Variants in UMODL1 observed in about 807,000 individuals in gnomAD.
UMODL1 encodes uromodulin-like 1.
A neutral mutation model predicts 136.3 loss-of-function variants in UMODL1; 128 were observed. The observed-to-expected ratio is 0.94, with a 90% confidence interval of 0.81 to 1.09. UMODL1 has a LOEUF of 1.09. Among genes scored for constraint, UMODL1 ranks in the 50% least tolerant of loss-of-function variants. UMODL1 has a pLI of 0.00. For missense variants in UMODL1, 1,766 were observed against 1,725.6 expected (o/e 1.02, Z -0.41); for synonymous variants, 721 against 720.0 (o/e 1.00, Z -0.02).
Position 42,075,925 on chromosome 21 carries a change from A to G in UMODL1, c.77-80A>G, listed in dbSNP as rs1052763664. Reference sequence around the variant, plus strand: ...GAGGTGTGCTCTCACTTGCTATTGCAGAGGGACGCCTTGCGGATAACCGCT... The same window carrying G: ...GAGGTGTGCTCTCACTTGCTATTGCGGAGGGACGCCTTGCGGATAACCGCT... On this transcript the variant is annotated intron_variant, in intron 1 of 22. Transcript: ENST00000408910. The G allele has an allele frequency of 3.2e-6, 5 of 1,576,014 alleles. No individual in the cohort carries two copies. In the African/African-American group the frequency reaches 6.7e-5, roughly 21 times the overall value.
chr21:42,127,631 G>A (rs1480013250), intron 19 of UMODL1, 41 bp from the exon 20 acceptor site: 9 of 1,587,454 alleles, frequency 5.7e-6, no homozygotes, highest in Middle Eastern at 1.7e-4. Context: ...GGACAGCGGG[G>A]CTCGCTGACA....
At chr21:42,107,429 G>A (rs1379253322) in intron 9 of UMODL1, among the ~76,000 whole-genome samples, 5 of 152,128 alleles carry the variant, frequency 3.3e-5, no homozygotes, top group African/African-American at 7.2e-5. Context: ...TCGCCACTGC[G>A]CGAGCCCTTT....
At chr21:42,076,467 C>T (rs1329489093) in intron 2 of UMODL1, among the ~76,000 whole-genome samples, 1 of 152,170 alleles carries the variant, frequency 6.6e-6, no homozygotes, top group Non-Finnish European at 1.5e-5. Flanking sequence ...AATTTGCCCT[C>T]CTGACAAGTT....
Position 42,098,962 on chromosome 21 carries a change from T to C in UMODL1, c.968T>C (p.Val323Ala). The C allele has an allele frequency of 6.2e-7, 1 of 1,614,222 alleles. No homozygotes were observed. The highest frequency in any genetic ancestry group is 1.3e-5 in the African/African-American group (1 of 75,060). ...PPVSDYVVLN[V>A]TSDSFQVSWR... is the part of the protein sequence containing the mutation. The stretch of plus-strand genomic sequence containing the variant: ...GTCAGTGACTACGTGGTCCTCAACG[T>C]CACCAGTGACAGTTTTCAAGTATCC... Residue 323 changes from valine to alanine, a missense_variant, in exon 7 of 23, where the codon GTC (valine) becomes GCC (alanine). Transcript: ENST00000408910.
chr21:42,121,519 A>T (rs779386454), intron 16 of UMODL1, among the ~76,000 whole-genome samples: 1 of 152,226 alleles, frequency 6.6e-6, no homozygotes, highest in Non-Finnish European at 1.5e-5. Context: ...ATACACATAC[A>T]TGAGGTGTGA....
At chr21:42,138,081 G>A (rs1225936094) in intron 22 of UMODL1, among the ~76,000 whole-genome samples, 2 of 152,072 alleles carry the variant, frequency 1.3e-5, no homozygotes, top group African/African-American at 4.8e-5. Flanking sequence ...CAGGACCCAG[G>A]GGCCCACCAC....
chr21:42,104,713 G>T (rs1420263917), intron 9 of UMODL1, among the ~76,000 whole-genome samples: 3 of 152,140 alleles, frequency 2.0e-5, no homozygotes, highest in Admixed American at 1.3e-4. Context: ...GCCTCCCAAG[G>T]TGCTGGGATT....
At chr21:42,119,371 G>A (rs779955288) in intron 15 of UMODL1, 47 bp downstream of exon 15, 16 of 1,573,808 alleles carry the variant, frequency 1.0e-5, no homozygotes, top group Middle Eastern at 1.8e-4. Flanking sequence ...GGAACCAGAG[G>A]CAGCCAGAGG....
In UMODL1 at chr21:42,111,409, C is replaced by T. The variant is rs772778968; in HGVS notation, c.1900-97C>T. On this transcript the variant is annotated intron_variant, in intron 11 of 22. Transcript: ENST00000408910. ...CGAGCCCCAGCCATAGGAACACTATCGGGGTGATAGGCACCACCTCCTCCC... is the reference window on the plus strand; with the variant it reads ...CGAGCCCCAGCCATAGGAACACTATTGGGGTGATAGGCACCACCTCCTCCC... 2.0e-5 allele frequency: 33 copies of T among 1,613,308 alleles called. 1 individual carries two copies. The Admixed American group carries it at 2.3e-4, about 11-fold the overall frequency.
At chr21:42,070,425 C>G (rs7277014), upstream of UMODL1, among the ~76,000 whole-genome samples, 5,945 of 152,306 alleles carry the variant, frequency 0.039, 313 homozygotes, top group African/African-American at 0.12. Context: ...ACCATGATGA[C>G]TACTGAAATA....
At chr21:42,104,435 TTTTC>T (rs897355222) in intron 9 of UMODL1, among the ~76,000 whole-genome samples, 2 of 151,952 alleles carry the variant, frequency 1.3e-5, no homozygotes, top group Non-Finnish European at 1.5e-5. Context: ...CTTTTCTTTT[TTTTC>T]TTTTTCTTTT....
chr21:42,071,283 GC>G (rs748339708), upstream of UMODL1: 5 of 1,503,632 alleles, frequency 3.3e-6, no homozygotes, highest in Non-Finnish European at 4.4e-6. Flanking sequence ...CTTGGTAGAG[GC>G]CCAGAGCCCT....
At chr21:42,094,507 G>T (rs186230439) in intron 6 of UMODL1, among the ~76,000 whole-genome samples, 131 of 152,226 alleles carry the variant, frequency 8.6e-4, no homozygotes, top group Non-Finnish European at 1.4e-3. Context: ...CCGCATTGCC[G>T]TGGCCTTGGG....
intron 22 of UMODL1, among the ~76,000 whole-genome samples, chr21:42,138,278 G>C (rs1434240465): frequency 6.6e-6 from 1 of 152,202 alleles, no homozygotes. Flanking sequence ...ATTGCTGGTG[G>C]ATCCTAACGA....
At chr21:42,063,734 G>A (rs1252915643) in intron 1 of UMODL1, among the ~76,000 whole-genome samples, 1 of 152,162 alleles carries the variant, frequency 6.6e-6, no homozygotes, top group Admixed American at 6.5e-5. Context: ...CTTGTCCCCC[G>A]GCTCCCCTTG....
At chr21:42,104,262 A>C (rs1255421534) in intron 9 of UMODL1, among the ~76,000 whole-genome samples, 175 bp downstream of exon 9, 1 of 151,922 alleles carries the variant, frequency 6.6e-6, no homozygotes, top group Non-Finnish European at 1.5e-5. Flanking sequence ...TAACTAGCTC[A>C]CCTGTGTCTC....
chr21:42,073,469 C>T lies in UMODL1; in HGVS notation c.76+2077C>T, dbSNP rs771845996. 5.3e-5 allele frequency among the ~76,000 whole-genome samples: 8 copies of T among 152,302 alleles called. No homozygotes were observed. In the South Asian group the frequency reaches 8.3e-4, roughly 16 times the overall value. On this transcript the variant is annotated intron_variant, in intron 1 of 22. Coordinates refer to ENST00000408910, the MANE Select transcript of UMODL1 (RefSeq NM_001004416.3). The stretch of plus-strand genomic sequence containing the variant: ...AGCAGGTGGTCCCCATCCCCAGAGG[C>T]CCTGCTGGGCCCGCAGGGTGATTTG...
chr21:42,129,557 G>T (rs1349916607), intron 20 of UMODL1, among the ~76,000 whole-genome samples, 156 bp from the exon 21 acceptor site: 2 of 152,154 alleles, frequency 1.3e-5, no homozygotes. Context: ...GTCTCACCAG[G>T]TCTCCCACTC....
chr21:42,111,074 G>A lies in UMODL1; in HGVS notation c.1852G>A (p.Val618Met). 1 of 1,613,364 alleles carries A rather than the reference G, an allele frequency of 6.2e-7. No individual in the cohort carries two copies. The highest frequency in any genetic ancestry group is 8.5e-7 in the Non-Finnish European group (1 of 1,179,820). Residue 618 changes from valine to methionine, a missense_variant, in exon 11 of 23, where the codon GTG (valine) becomes ATG (methionine). Val to Met is a conservative substitution (Grantham distance 21). Transcript: ENST00000408910. Reference sequence around the variant, plus strand: ...CTCACCCAGAAGAGGGGGCAGCAATGTGGTCGGGTATGACAGGAACAACAC... The same window carrying A: ...CTCACCCAGAAGAGGGGGCAGCAATATGGTCGGGTATGACAGGAACAACAC... ...EPSPRRGGSN[V>M]VGYDRNNTGK... is the part of the protein sequence containing the mutation.
Sources: allele counts gnomAD v4.1 joint callset (sites outside exome capture counted in the v4.1 genomes callset), GRCh38; gene constraint gnomAD v4.1.1; transcripts MANE v1.5; gene names NCBI Gene and HGNC (gene_info 2026-07-23, HGNC 2026-07-21).